The following ITK variants were observed in gnomAD, a reference collection of about 807,000 sequenced individuals.
ITK encodes the protein IL2 inducible T cell kinase, also known as tyrosine-protein kinase ITK/TSK.
ITK carries 45 observed loss-of-function variants against 87.6 expected under a neutral mutation model. That is an observed-to-expected ratio of 0.51 (90% CI 0.40 to 0.66). The LOEUF is 0.66. Among genes scored for constraint, ITK ranks in the 30% least tolerant of loss-of-function variants. ITK has a pLI of 0.00. For synonymous variants in ITK, 303 were observed against 273.6 expected, an observed-to-expected ratio of 1.11 and a Z score of -1.06; for missense variants, 605 against 766.3, an observed-to-expected ratio of 0.79 and a Z score of 2.48.
At chr5:157,217,336 C>A (rs911150261) in intron 4 of ITK, among the ~76,000 whole-genome samples, 1 of 152,094 alleles carries the variant, frequency 6.6e-6, no homozygotes, top group Non-Finnish European at 1.5e-5. Flanking sequence ...TTGAAAGAGG[C>A]AGAAAGAACA....
In ITK at chr5:157,252,604, C is replaced by T. The variant is rs1198022484; in HGVS notation, c.1792-3C>T. 3.7e-6 allele frequency: 6 copies of T among 1,613,016 alleles called. No homozygotes were observed. The highest frequency in any genetic ancestry group is 5.1e-6 in the Non-Finnish European group (6 of 1,179,048). ...CTTACAGAGTTCTTTTTTCCCTCTC[C>T]AGAGACCAGAAGATCGGCCAGCCTT... is the stretch of plus-strand genomic sequence containing the variant. On this transcript the variant is annotated splice_polypyrimidine_tract_variant and splice_region_variant and intron_variant, in intron 16 of 16. Coordinates refer to ENST00000422843, the MANE Select transcript of ITK (RefSeq NM_005546.4).
At position 157,252,902 on chromosome 5, in the gene ITK, G is replaced by A. The variant is rs1480473738; in HGVS notation, c.*224G>A. ...CCAAGCTGGGAGCTGAGCCAGAACA[G>A]GAGTGATGTCTCTGCCCTTCCTCTA... On this transcript the variant is annotated 3_prime_UTR_variant, in exon 17 of 17. Transcript: ENST00000422843. The A allele has an allele frequency of 5.1e-6, 3 of 588,836 alleles. No individual in the cohort carries two copies. The highest frequency in any genetic ancestry group is 9.2e-6 in the Non-Finnish European group (3 of 325,924). The allele number at this position is 588,836 out of a possible 1,614,324, so 36.5% of individuals were successfully genotyped here. A position where few individuals can be genotyped will look rare whatever the true frequency, so the allele number is the denominator to read the frequency against.
intron 2 of ITK, 98 bp from the exon 3 acceptor site, chr5:157,211,189 T>C: frequency 1.0e-6 from 1 of 973,218 alleles, no homozygotes; most frequent in East Asian, 2.4e-5. Flanking sequence ...TATATGACGA[T>C]AAACACCCGA....
At position 157,244,451 on chromosome 5, in the gene ITK, A is replaced by G; in HGVS notation, c.1422A>G (p.Glu474=). 1 of 1,612,324 alleles carries G rather than the reference A, an allele frequency of 6.2e-7. No individual in the cohort carries two copies. Among genetic ancestry groups the G allele is most frequent in the Non-Finnish European group, 8.5e-7 (1 of 1,178,298 alleles). The change falls in exon 13 of 17, where the codon GAA becomes GAG. Residue 474 remains glutamate, a synonymous_variant. Coordinates refer to ENST00000422843, the MANE Select transcript of ITK (RefSeq NM_005546.4). ...LDVCEGMAYL[E]EACVIHRDLA... ...TGTGTGAGGGCATGGCCTACCTGGAAGAGGCATGTGTCATCCACAGAGACT... is the reference window on the plus strand; with the variant it reads ...TGTGTGAGGGCATGGCCTACCTGGAGGAGGCATGTGTCATCCACAGAGACT...
chr5:157,241,308 C>T (rs374809331), intron 10 of ITK: 1 of 173,308 alleles, frequency 5.8e-6, no homozygotes, highest in South Asian at 1.4e-4. Flanking sequence ...ACACAGGAGA[C>T]TTAATGAAAA....
chr5:157,251,217 C>T (rs1347972025), intron 16 of ITK, among the ~76,000 whole-genome samples: 1 of 152,156 alleles, frequency 6.6e-6, no homozygotes, highest in East Asian at 1.9e-4. Flanking sequence ...AGTCATATTA[C>T]ATTGTTGTTT....
chr5:157,184,757 T>C (rs1753608418), intron 1 of ITK, among the ~76,000 whole-genome samples: 1 of 152,230 alleles, frequency 6.6e-6, no homozygotes. Context: ...TTTTACCAAT[T>C]GCTACATGGT....
At chr5:157,238,286 G>A (rs960504990) in intron 9 of ITK, 95 bp downstream of exon 9, 5 of 919,884 alleles carry the variant, frequency 5.4e-6, no homozygotes, top group African/African-American at 4.9e-5. Flanking sequence ...AGTGCAAGAG[G>A]TAGAGGCTCA....
In ITK at chr5:157,211,305, C is replaced by A; in HGVS notation, c.262C>A (p.Leu88Ile). 6.2e-7 allele frequency: 1 copy of A among 1,614,052 alleles called. No homozygotes were observed. Among genetic ancestry groups the A allele is most frequent in the Non-Finnish European group, 8.5e-7 (1 of 1,179,938 alleles). The change falls in exon 3 of 17, where the codon CTC becomes ATC. Residue 88 changes from leucine to isoleucine, a missense_variant. Leu to Ile is a conservative substitution (Grantham distance 5, BLOSUM62 2). This residue lies in a region of ITK where 464 missense variants were observed against 578.0 expected (regional missense o/e 0.80). Coordinates refer to ENST00000422843, the MANE Select transcript of ITK (RefSeq NM_005546.4). ...TCTCCAGGTGGTGCATGACAACTAC[C>A]TCCTATATGTGTTTGCTCCAGATCG... ...YPFQVVHDNYLLYVFAPDRES... is the reference protein window; with the variant it reads ...YPFQVVHDNYILYVFAPDRES...
chr5:157,252,516 G>T, intron 16 of ITK, 91 bp from the exon 17 acceptor site: 1 of 914,330 alleles, frequency 1.1e-6, no homozygotes, highest in South Asian at 1.3e-5. Context: ...AAAATCCACA[G>T]GGGATGCTGC....
chr5:157,250,392 T>C (rs1755117185), intron 16 of ITK, among the ~76,000 whole-genome samples: 1 of 152,198 alleles, frequency 6.6e-6, no homozygotes, highest in East Asian at 1.9e-4. Context: ...CGTGGCTTAA[T>C]AGCTCATTTC....
At chr5:157,207,181 C>T (rs1561651959) in intron 1 of ITK, among the ~76,000 whole-genome samples, 1 of 151,946 alleles carries the variant, frequency 6.6e-6, no homozygotes, top group Non-Finnish European at 1.5e-5. Context: ...AAAATTCTGT[C>T]CCAACTCTCA....
At chr5:157,222,477 C>T (rs1002847402) in intron 5 of ITK, among the ~76,000 whole-genome samples, 1 of 152,090 alleles carries the variant, frequency 6.6e-6, no homozygotes, top group Admixed American at 6.6e-5. Context: ...CCTATGATTC[C>T]GTAGATCTAG....
intron 10 of ITK, 68 bp downstream of exon 10, chr5:157,240,263 ACTGC>A: frequency 7.0e-7 from 1 of 1,437,222 alleles, no homozygotes; most frequent in Admixed American, 1.7e-5. Context: ...AGCAAGCATT[ACTGC>A]CTGAGCTCTG....
intron 15 of ITK, among the ~76,000 whole-genome samples, chr5:157,248,504 A>G (rs1755066758): frequency 6.6e-6 from 1 of 152,132 alleles, no homozygotes; most frequent in Admixed American, 6.5e-5. Flanking sequence ...AGAACTGTTT[A>G]TCTCATTTTC....
intron 5 of ITK, among the ~76,000 whole-genome samples, chr5:157,218,780 C>T (rs1226668657): frequency 6.6e-6 from 1 of 152,090 alleles, no homozygotes; most frequent in Admixed American, 6.6e-5. Context: ...TGGTCTTTAA[C>T]TCGAGTGGTG....
At chr5:157,202,029 A>T (rs1406026675) in intron 1 of ITK, among the ~76,000 whole-genome samples, 1 of 151,934 alleles carries the variant, frequency 6.6e-6, no homozygotes, top group Non-Finnish European at 1.5e-5. Flanking sequence ...GCCCTTCTTT[A>T]TACCCATATG....
At chr5:157,245,697 C>T in intron 13 of ITK, 29 bp from the exon 14 acceptor site, 1 of 1,601,286 alleles carries the variant, frequency 6.2e-7, no homozygotes. Flanking sequence ...GTTTTCCTCT[C>T]CGCCTTTGTT....
chr5:157,220,173 G>A (rs1754385599), intron 5 of ITK, among the ~76,000 whole-genome samples: 1 of 152,202 alleles, frequency 6.6e-6, no homozygotes, highest in South Asian at 2.1e-4. Context: ...AACACTGTGA[G>A]CAGGGCCAGT....
Sources: gnomAD v4.1 joint callset for allele counts (sites outside exome capture counted in the v4.1 genomes callset) on GRCh38, gnomAD v4.1.1 for gene constraint, gnomAD v4.1.1 regional missense constraint, MANE v1.5 for transcripts, NCBI Gene and HGNC (gene_info 2026-07-23, HGNC 2026-07-21) for gene names.